The following MTBP variants were observed in gnomAD, a reference collection of about 807,000 sequenced individuals.
The protein encoded by MTBP is mdm2-binding protein.
In MTBP, 101 loss-of-function variants were observed where a neutral mutation model predicts 117.0. That is an observed-to-expected ratio of 0.86 (90% CI 0.73 to 1.02). The LOEUF is 1.02. MTBP is among the 50% of genes least tolerant of loss of function. The pLI is 0.00. For missense variants in MTBP, 970 were observed against 1,030.9 expected (o/e 0.94, Z 0.81); for synonymous variants, 350 against 351.5 (o/e 1.00, Z 0.05).
At chr8:120,450,574 T>C (rs1159092841) in intron 2 of MTBP, among the ~76,000 whole-genome samples, 2 of 152,172 alleles carry the variant, frequency 1.3e-5, no homozygotes, top group Admixed American at 6.5e-5. Flanking sequence ...CTGGGTTTGC[T>C]CTTTAACGCC....
chr8:120,451,037 G>A lies in MTBP; in HGVS notation c.234G>A (p.Lys78=), dbSNP rs759265788. Residue 78 remains lysine (K), a synonymous_variant, in exon 3 of 22, where the codon AAG becomes AAA. Coordinates refer to ENST00000305949, the MANE Select transcript of MTBP (RefSeq NM_022045.5). ...CSVGGIPGSK[K]WFFAVQAIYG... is the part of the protein sequence containing the mutation. Reference sequence around the variant, plus strand: ...TGGGAGGTATACCTGGTTCCAAGAAGTGGTTCTTTGCAGTGCAGGCAATAT... The same window carrying A: ...TGGGAGGTATACCTGGTTCCAAGAAATGGTTCTTTGCAGTGCAGGCAATAT... 14 of 1,612,532 alleles carry A rather than the reference G, an allele frequency of 8.7e-6. No homozygotes were observed. The African/African-American group carries it at 1.1e-4, about 12-fold the overall frequency.
intron 2 of MTBP, among the ~76,000 whole-genome samples, chr8:120,447,925 G>A (rs950358673): frequency 1.3e-3 from 127 of 100,568 alleles, no homozygotes; most frequent in African/African-American, 2.9e-3. Context: ...TTTATTCTTC[G>A]ATTTTTTTTT....
In MTBP at chr8:120,518,690, A is replaced by C. The variant is rs774623606; in HGVS notation, c.2497-14A>C. 5.9e-6 allele frequency: 9 copies of C among 1,535,406 alleles called. No homozygotes were observed. The highest frequency in any genetic ancestry group is 6.3e-6 in the Non-Finnish European group (7 of 1,114,960). On this transcript the variant is annotated splice_polypyrimidine_tract_variant and intron_variant, in intron 19 of 21. Transcript: ENST00000305949. ...TTCCAAGAAATATTCGTCATATGTTATGTTCTGTTCAAGATACTGAAAGAA... is the reference window on the plus strand; with the variant it reads ...TTCCAAGAAATATTCGTCATATGTTCTGTTCTGTTCAAGATACTGAAAGAA...
chr8:120,456,109 T>G (rs1284845228), intron 6 of MTBP, among the ~76,000 whole-genome samples: 1 of 152,134 alleles, frequency 6.6e-6, no homozygotes, highest in African/African-American at 2.4e-5. Context: ...TGAGAAGACA[T>G]GATCTTTTTC....
intron 10 of MTBP, among the ~76,000 whole-genome samples, chr8:120,464,914 GA>G (rs1813656834): frequency 6.6e-6 from 1 of 151,802 alleles, no homozygotes; most frequent in African/African-American, 2.4e-5. Flanking sequence ...TGTATTTGTG[GA>G]ACTTACATTT....
intron 11 of MTBP, among the ~76,000 whole-genome samples, chr8:120,479,063 A>G (rs1052994573): frequency 2.0e-5 from 3 of 152,208 alleles, no homozygotes; most frequent in African/African-American, 7.2e-5. Context: ...GAAACAGAAA[A>G]TCAATATCAC....
chr8:120,504,884 A>G (rs947615587), intron 15 of MTBP, among the ~76,000 whole-genome samples: 1 of 151,796 alleles, frequency 6.6e-6, no homozygotes, highest in African/African-American at 2.4e-5. Flanking sequence ...TTTGGTAGTC[A>G]TATTTTAAAT....
At chr8:120,495,642 A>G (rs1814437289) in intron 13 of MTBP, among the ~76,000 whole-genome samples, 1 of 150,854 alleles carries the variant, frequency 6.6e-6, no homozygotes, top group Non-Finnish European at 1.5e-5. Context: ...TCATATTACT[A>G]TGTTTTTGTT....
At chr8:120,477,856 T>G (rs201157913) in intron 11 of MTBP, among the ~76,000 whole-genome samples, 1 of 152,064 alleles carries the variant, frequency 6.6e-6, no homozygotes, top group Non-Finnish European at 1.5e-5. Flanking sequence ...AATTCTTCAA[T>G]GATCTAGAAC....
rs376153651 is a variant in MTBP at position 120,517,860 on chromosome 8, A to T, written c.2256A>T (p.Lys752Asn). 1 of 1,610,530 alleles carries T rather than the reference A, an allele frequency of 6.2e-7. No individual in the cohort carries two copies. Among genetic ancestry groups the T allele is most frequent in the Admixed American group, 1.7e-5 (1 of 59,750 alleles). ...TTCCCCTGCTATATAGACTTGTGAA[A>T]TCTGAAAGTTCAGAGTCTCTTCTTT... ...NCLYPRKRLV[K>N]SESSESLLSQ... The change falls in exon 19 of 22, where the codon AAA becomes AAT. Residue 752 changes from lysine (K) to asparagine (N), a missense_variant. Physicochemically the swap from Lys to Asn is moderately conservative, Grantham distance 94 (BLOSUM62 0). Transcript: ENST00000305949.
In MTBP at chr8:120,470,923, C is replaced by A; in HGVS notation, c.1151C>A (p.Pro384His). Residue 384 changes from proline to histidine, a missense_variant, in exon 11 of 22, where the codon CCT becomes CAT. Transcript: ENST00000305949. ...RKWKEYIAKK[P>H]KTISVPDVEV... The stretch of plus-strand genomic sequence containing the variant: ...TGGAAGGAATATATAGCTAAAAAGC[C>A]TAAAACAATCAGTGGTAAGTATTAC... The A allele has an allele frequency of 6.3e-7, 1 of 1,592,354 alleles. No homozygotes were observed. Among genetic ancestry groups the A allele is most frequent in the Non-Finnish European group, 8.6e-7 (1 of 1,161,466 alleles).
At chr8:120,519,317 G>T (rs901634372) in intron 20 of MTBP, among the ~76,000 whole-genome samples, 1 of 151,884 alleles carries the variant, frequency 6.6e-6, no homozygotes, top group Admixed American at 6.6e-5. Context: ...AGTGGATTTT[G>T]GTATTCTCAG....
rs71306887 is a variant in MTBP, at chr8:120,489,044, C to CTTTTTTTTTTTT, written c.1339+714_1339+725dup. ...TCATGGTGTTAGGGCAGACTGACTT[C>CTTTTTTTTTTTT]TTTTTTTTTTTTTGAGACAGAGTCT... is the stretch of plus-strand genomic sequence containing the variant. On this transcript the variant is annotated intron_variant, in intron 12 of 21. Coordinates refer to ENST00000305949, the MANE Select transcript of MTBP (RefSeq NM_022045.5). Among the ~76,000 whole-genome samples, 363 of 127,970 alleles carry CTTTTTTTTTTTT rather than the reference C, an allele frequency of 2.8e-3. 15 individuals carry two copies. The highest frequency in any genetic ancestry group is 4.1e-3 in the Non-Finnish European group (245 of 59,772). The allele number at this position is 127,970 out of a possible 152,430, so 84.0% of individuals were successfully genotyped here. A position where few individuals can be genotyped will look rare whatever the true frequency, so the allele number is the denominator to read the frequency against.
At chr8:120,522,800 C>T (rs1815027768) in intron 21 of MTBP, 81 bp downstream of exon 21, 9 of 1,018,686 alleles carry the variant, frequency 8.8e-6, no homozygotes, top group Non-Finnish European at 1.3e-5. Flanking sequence ...ATTATATATG[C>T]AGCAGTAATC....
intron 11 of MTBP, among the ~76,000 whole-genome samples, chr8:120,486,371 G>C (rs548532858): frequency 6.6e-6 from 1 of 152,052 alleles, no homozygotes; most frequent in African/African-American, 2.4e-5. Flanking sequence ...CCACTACTTC[G>C]GTAGCTGGGC....
intron 7 of MTBP, among the ~76,000 whole-genome samples, chr8:120,457,446 G>A (rs9297617): frequency 0.95 from 145,007 of 152,300 alleles, 69,045 homozygotes; most frequent in East Asian, 1. Flanking sequence ...TGTTACACTA[G>A]TTACTAGAAA....
intron 11 of MTBP, among the ~76,000 whole-genome samples, chr8:120,474,166 T>A (rs1433987597): frequency 6.6e-6 from 1 of 152,030 alleles, no homozygotes; most frequent in African/African-American, 2.4e-5. Context: ...AACTTGTGAA[T>A]AATAATAAGA....
At chr8:120,506,348 G>T (rs894225147) in intron 15 of MTBP, among the ~76,000 whole-genome samples, 2 of 151,984 alleles carry the variant, frequency 1.3e-5, no homozygotes, top group African/African-American at 4.8e-5. Flanking sequence ...ACATACAAGA[G>T]AATTTAGATT....
In MTBP at chr8:120,459,284, A is replaced by C. The variant is rs753741182; in HGVS notation, c.817A>C (p.Asn273His). ...CACACTTAAGAATTTTAGTACTTCT[A>C]ATTTAAATACTGACTTCCTTGCCAA... ...GVTLKNFSTS[N>H]LNTDFLAKKI... The change falls in exon 8 of 22, where the codon AAT becomes CAT. Residue 273 changes from asparagine to histidine, a missense_variant. Coordinates refer to ENST00000305949, the MANE Select transcript of MTBP (RefSeq NM_022045.5). The C allele has an allele frequency of 6.2e-7, 1 of 1,611,678 alleles. No homozygotes were observed. The highest frequency in any genetic ancestry group is 1.1e-5 in the South Asian group (1 of 90,632).
Sources: allele counts gnomAD v4.1 joint callset (sites outside exome capture counted in the v4.1 genomes callset), GRCh38; gene constraint gnomAD v4.1.1; transcripts MANE v1.5; gene names NCBI Gene and HGNC (gene_info 2026-07-23, HGNC 2026-07-21).